Variants in MFAP1 observed in about 807,000 individuals in gnomAD.
MFAP1 encodes microfibril associated protein 1.
Under a neutral mutation model 62.2 loss-of-function variants are expected in MFAP1, and 18 were observed. The observed-to-expected ratio is 0.29, with a 90% CI of 0.20 to 0.43. The LOEUF is 0.43. MFAP1 is among the 20% of genes least tolerant of loss of function. The pLI is 1.00. For synonymous variants in MFAP1, 175 were observed against 180.4 expected, an observed-to-expected ratio of 0.97 and a Z score of 0.24; for missense variants, 355 against 559.7, an observed-to-expected ratio of 0.63 and a Z score of 3.69.
chr15:43,808,269 G>A (rs902123038), intron 7 of MFAP1, among the ~76,000 whole-genome samples: 79 of 152,226 alleles, frequency 5.2e-4, no homozygotes, highest in Non-Finnish European at 1.8e-4. Context: ...GCAGTGGCAC[G>A]ATCACGGCTG....
chr15:43,819,258 G>A (rs188310485), intron 1 of MFAP1, among the ~76,000 whole-genome samples: 27 of 152,192 alleles, frequency 1.8e-4, no homozygotes, highest in African/African-American at 6.3e-4. Flanking sequence ...GATGAACAAT[G>A]GGAGGGAAGC....
In MFAP1 at chr15:43,813,360, G is replaced by A; in HGVS notation, c.618-3C>T. ...CTTGAACTGTCACTCGGTCCTTCCT[G>A]CATCACAGAGATCCTGTTAATTGCC... On this transcript the variant is annotated splice_polypyrimidine_tract_variant and splice_region_variant and intron_variant, in intron 4 of 8. Transcript: ENST00000267812. The A allele has an allele frequency of 6.2e-7, 1 of 1,603,402 alleles. No individual in the cohort carries two copies. Among genetic ancestry groups the A allele is most frequent in the African/African-American group, 1.4e-5 (1 of 74,024 alleles).
At chr15:43,805,843 A>G (rs1408485878) in intron 7 of MFAP1, among the ~76,000 whole-genome samples, 2 of 151,664 alleles carry the variant, frequency 1.3e-5, no homozygotes, top group East Asian at 1.9e-4. Flanking sequence ...CGATATCCCG[A>G]CCTTGCGATC....
chr15:43,813,430 C>T, intron 4 of MFAP1, 73 bp from the exon 5 acceptor site: 1 of 1,382,934 alleles, frequency 7.2e-7, no homozygotes, highest in Non-Finnish European at 9.8e-7. Flanking sequence ...GACCTAGTCC[C>T]ATCCAAATCA....
Position 43,813,349 on chromosome 15 carries a change from C to G in MFAP1, c.626G>C (p.Arg209Pro). The change falls in exon 5 of 9, where the codon CGA becomes CCA. Residue 209 changes from arginine (R) to proline (P), a missense_variant. Arg to Pro is a moderately radical substitution (Grantham distance 103). Coordinates refer to ENST00000267812, the MANE Select transcript of MFAP1 (RefSeq NM_005926.3). Reference sequence around the variant, plus strand: ...GGCTTCACGTTCTTGAACTGTCACTCGGTCCTTCCTGCATCACAGAGATCC... The same window carrying G: ...GGCTTCACGTTCTTGAACTGTCACTGGGTCCTTCCTGCATCACAGAGATCC... Reference protein sequence around the residue: ...LKPVFIRKKDRVTVQEREAEA... With the variant: ...LKPVFIRKKDPVTVQEREAEA... 6.2e-7 allele frequency: 1 copy of G among 1,607,830 alleles called. No individual in the cohort carries two copies. Among genetic ancestry groups the G allele is most frequent in the Non-Finnish European group, 8.5e-7 (1 of 1,178,464 alleles).
At chr15:43,808,813 A>T (rs1382055151) in intron 7 of MFAP1, among the ~76,000 whole-genome samples, 2 of 152,282 alleles carry the variant, frequency 1.3e-5, no homozygotes, top group Non-Finnish European at 2.9e-5. Context: ...AGAATTTGCC[A>T]CACGGCACTT....
chr15:43,818,250 A>C (rs1042608858), intron 1 of MFAP1, among the ~76,000 whole-genome samples: 2 of 151,794 alleles, frequency 1.3e-5, no homozygotes, highest in African/African-American at 4.8e-5. Context: ...CGATCTCCTG[A>C]CCTCATGATC....
At position 43,813,392 on chromosome 15, in the gene MFAP1, C is replaced by T. The variant is rs763742625; in HGVS notation, c.618-35G>A. ...AGAGATCCTGTTAATTGCCCAAAGT[C>T]CTTAGAGTGGAGTGCTTTGTTCCCC... On this transcript the variant is annotated intron_variant, in intron 4 of 8. Coordinates refer to ENST00000267812, the MANE Select transcript of MFAP1 (RefSeq NM_005926.3). The T allele has an allele frequency of 1.9e-6, 3 of 1,580,730 alleles. No homozygotes were observed. The East Asian group carries it at 6.7e-5, about 35-fold the overall frequency.
At chr15:43,824,414 T>C in intron 1 of MFAP1, 77 bp downstream of exon 1, 2 of 1,445,604 alleles carry the variant, frequency 1.4e-6, no homozygotes, top group South Asian at 2.4e-5. Flanking sequence ...TGGAGTGGTC[T>C]GTCCGGGAGA....
At position 43,804,840 on chromosome 15, in the gene MFAP1, C is replaced by A. The variant is rs141486241; in HGVS notation, c.*254G>T. ...ATGGGAAACCATAGCAGTGATAAAA[C>A]CTAAGATTTCTCAGAAATAGTTTTA... is the stretch of plus-strand genomic sequence containing the variant. On this transcript the variant is annotated 3_prime_UTR_variant, in exon 9 of 9. Transcript: ENST00000267812. 5.2e-4 allele frequency: 187 copies of A among 363,006 alleles called. No homozygotes were observed. The highest frequency in any genetic ancestry group is 3.6e-3 in the African/African-American group (173 of 48,206). The allele number at this position is 363,006 out of a possible 1,614,324, so 22.5% of individuals were successfully genotyped here.
chr15:43,812,639 A>G (rs1322134972), intron 6 of MFAP1, among the ~76,000 whole-genome samples: 1 of 152,210 alleles, frequency 6.6e-6, no homozygotes, highest in East Asian at 1.9e-4. Context: ...GCCAACCTCC[A>G]AAGTTGTGAA....
intron 6 of MFAP1, 130 bp downstream of exon 6, chr15:43,812,857 A>C: frequency 9.2e-7 from 1 of 1,082,788 alleles, no homozygotes; most frequent in African/African-American, 1.6e-5. Context: ...AATTATAGGA[A>C]ACTCACAAAG....
chr15:43,818,610 G>A (rs1159793614), intron 1 of MFAP1, among the ~76,000 whole-genome samples: 1 of 152,004 alleles, frequency 6.6e-6, no homozygotes, highest in Non-Finnish European at 1.5e-5. Flanking sequence ...ATTAATGAGG[G>A]GGCCAGGTGC....
In MFAP1 at chr15:43,805,245, T is replaced by C. The variant is rs765803882; in HGVS notation, c.1169A>G (p.Lys390Arg). Residue 390 changes from lysine to arginine, a missense_variant, in exon 9 of 9, where the codon AAA becomes AGA. Coordinates refer to ENST00000267812, the MANE Select transcript of MFAP1 (RefSeq NM_005926.3). The stretch of plus-strand genomic sequence containing the variant: ...ATCTTGATCCACAAGGTGAGTGTAT[T>C]TGGTGCGACCTGAGCGTCCAAAGTT... ...VKNFGRSGRT[K>R]YTHLVDQDTT... 6.3e-7 allele frequency: 1 copy of C among 1,598,774 alleles called. No individual in the cohort carries two copies. The highest frequency in any genetic ancestry group is 8.6e-7 in the Non-Finnish European group (1 of 1,167,210).
rs767668191 is a variant in MFAP1, at chr15:43,814,642, C to T, written c.476G>A (p.Arg159Lys). The T allele has an allele frequency of 1.9e-6, 3 of 1,614,120 alleles. No individual in the cohort carries two copies. Among genetic ancestry groups the T allele is most frequent in the East Asian group, 2.2e-5 (1 of 44,880 alleles). Reference sequence around the variant, plus strand: ...CATGACTTCCATCTCTTCATTTTTTCTCTCCTGTGCTCGCTGACGCATCAT... The same window carrying T: ...CATGACTTCCATCTCTTCATTTTTTTTCTCCTGTGCTCGCTGACGCATCAT... ...RGMMRQRAQERKNEEMEVMEV... is the reference protein window; with the variant it reads ...RGMMRQRAQEKKNEEMEVMEV... Residue 159 changes from arginine to lysine, a missense_variant, in exon 4 of 9, where the codon AGA (arginine) becomes AAA (lysine). Physicochemically the swap from Arg to Lys is conservative, Grantham distance 26 (BLOSUM62 2). This residue lies in a region of MFAP1 where 257 missense variants were observed against 341.3 expected (regional missense o/e 0.75). Transcript: ENST00000267812.
At chr15:43,809,493 TAAAA>T (rs760823604) in intron 7 of MFAP1, among the ~76,000 whole-genome samples, 42 of 139,510 alleles carry the variant, frequency 3.0e-4, no homozygotes, top group African/African-American at 1.0e-3. Flanking sequence ...CTCTGTCTCT[TAAAA>T]AAAAAAAAAA....
chr15:43,813,903 C>G (rs1334146485), intron 4 of MFAP1, among the ~76,000 whole-genome samples: 1 of 152,156 alleles, frequency 6.6e-6, no homozygotes, highest in Non-Finnish European at 1.5e-5. Context: ...AGTAGGATTT[C>G]TAGCCATCAG....
chr15:43,810,382 G>A (rs1485044019), intron 6 of MFAP1, among the ~76,000 whole-genome samples: 5 of 142,992 alleles, frequency 3.5e-5, no homozygotes, highest in Non-Finnish European at 7.6e-5. Context: ...TTTTCTTTTT[G>A]GTGAGATGGA....
Position 43,805,183 on chromosome 15 carries a change from C to T in MFAP1, c.1231G>A (p.Ala411Thr), listed in dbSNP as rs1286559334. Residue 411 changes from alanine (A) to threonine (T), a missense_variant, in exon 9 of 9, where the codon GCC (alanine) becomes ACC (threonine). Physicochemically the swap from Ala to Thr is moderately conservative, Grantham distance 58. Transcript: ENST00000267812. ...SFDSAWGQES[A>T]QNTKFFKQKA... The stretch of plus-strand genomic sequence containing the variant: ...TGTTTGAAGAACTTTGTGTTCTGGG[C>T]ACTCTCTTGGCCCCAAGCTGAGTCA... The T allele has an allele frequency of 1.2e-6, 2 of 1,604,078 alleles. No homozygotes were observed. The highest frequency in any genetic ancestry group is 3.3e-5 in the Admixed American group (2 of 59,850).
Sources: allele counts gnomAD v4.1 joint callset (sites outside exome capture counted in the v4.1 genomes callset), GRCh38; gene constraint gnomAD v4.1.1; regional missense constraint gnomAD v4.1.1; transcripts MANE v1.5; gene names NCBI Gene and HGNC (gene_info 2026-07-23, HGNC 2026-07-21).